Variants in MEGF6 observed in about 807,000 individuals in gnomAD.
MEGF6 encodes multiple epidermal growth factor-like domains protein 6.
MEGF6 carries 184 observed loss-of-function variants against 207.1 expected under a neutral mutation model. The ratio of observed to expected loss-of-function variants is 0.89; its 90% CI spans 0.79 to 1.00. MEGF6 has a LOEUF of 1.00. Among genes scored for constraint, MEGF6 ranks in the 50% least tolerant of loss-of-function variants. MEGF6 has a pLI of 0.00. For missense variants in MEGF6, 2,282 were observed against 2,202.9 expected (o/e 1.04, Z -0.72); for synonymous variants, 1,038 against 910.0 (o/e 1.14, Z -2.53).
intron 3 of MEGF6, among the ~76,000 whole-genome samples, chr1:3,584,187 A>G (rs909792957): frequency 1.3e-5 from 2 of 152,256 alleles, no homozygotes; most frequent in Non-Finnish European, 2.9e-5. Context: ...CCATGTCTGT[A>G]GCCTCTTTAA....
chr1:3,511,897 C>T, intron 8 of MEGF6, 109 bp downstream of exon 8: 1 of 1,541,296 alleles, frequency 6.5e-7, no homozygotes, highest in South Asian at 1.2e-5. Flanking sequence ...CCAGGGCTGC[C>T]CCTGATTGAC....
At chr1:3,539,147 C>T (rs1642423446) in intron 4 of MEGF6, among the ~76,000 whole-genome samples, 1 of 152,112 alleles carries the variant, frequency 6.6e-6, no homozygotes, top group African/African-American at 2.4e-5. Context: ...ATCAAGGGTG[C>T]CCTGGGGAAG....
chr1:3,542,007 CG>C (rs1415441530), intron 4 of MEGF6, among the ~76,000 whole-genome samples: 1 of 152,224 alleles, frequency 6.6e-6, no homozygotes, highest in Non-Finnish European at 1.5e-5. Flanking sequence ...GAGCCGGGTC[CG>C]GCACCGAGAA....
At chr1:3,523,676 G>A (rs188339752) in intron 5 of MEGF6, among the ~76,000 whole-genome samples, 57 of 152,280 alleles carry the variant, frequency 3.7e-4, no homozygotes, top group African/African-American at 1.3e-3. Context: ...AGGCCTCCTC[G>A]GCCAGCGTCC....
At position 3,497,277 on chromosome 1, in the gene MEGF6, GC is replaced by G; in HGVS notation, c.3436del (p.Ala1146ProfsTer128). The G allele has an allele frequency of 6.5e-7, 1 of 1,549,452 alleles. No homozygotes were observed. The highest frequency in any genetic ancestry group is 8.7e-7 in the Non-Finnish European group (1 of 1,150,066). ...AGTGAAGCCAGGGGGACAGCGGCAG[GC>G]CCCAGTGACGTGGTGGCAGGCAGCG... ...PGAACHHVTG[A>X]CRCPPGFTGS... On this transcript the variant is annotated frameshift_variant, in exon 27 of 37. Transcript: ENST00000356575. LOFTEE classifies it high-confidence loss of function.
At chr1:3,520,052 T>C (rs1192869208) in intron 5 of MEGF6, among the ~76,000 whole-genome samples, 2 of 152,224 alleles carry the variant, frequency 1.3e-5, no homozygotes, top group African/African-American at 4.8e-5. Flanking sequence ...CTGATGGGCA[T>C]GGGCCGAGAA....
rs1263086877 is a variant in MEGF6, at chr1:3,567,712, G to A, written c.481+12113C>T. 2.6e-5 allele frequency among the ~76,000 whole-genome samples: 4 copies of A among 152,230 alleles called. No individual in the cohort carries two copies. In the South Asian group the frequency reaches 6.2e-4, roughly 24 times the overall value. On this transcript the variant is annotated intron_variant, in intron 4 of 36. Transcript: ENST00000356575. Reference sequence around the variant, plus strand: ...CCAGAGCGTCACCCTGCAGGCCGGGGTTGTCCAGCCAGGGGCAGGGGGGCC... The same window carrying A: ...CCAGAGCGTCACCCTGCAGGCCGGGATTGTCCAGCCAGGGGCAGGGGGGCC...
At chr1:3,491,466 T>G (rs1640361695) in intron 35 of MEGF6, among the ~76,000 whole-genome samples, 1 of 151,186 alleles carries the variant, frequency 6.6e-6, no homozygotes, top group South Asian at 2.1e-4. Context: ...CCTCCTCTCC[T>G]CGCCCCGCCC....
At chr1:3,583,191 A>G (rs1643841021) in intron 3 of MEGF6, among the ~76,000 whole-genome samples, 1 of 152,178 alleles carries the variant, frequency 6.6e-6, no homozygotes, top group Non-Finnish European at 1.5e-5. Context: ...GCTGCGCTCC[A>G]AACCGAGAGC....
Position 3,540,085 on chromosome 1 carries a change from C to CA in MEGF6, c.482-15840dup, listed in dbSNP as rs34639276. On this transcript the variant is annotated intron_variant, in intron 4 of 36. Transcript: ENST00000356575. The stretch of plus-strand genomic sequence containing the variant: ...AGGCTGCCCAGCTCGGGGTGTCCTC[C>CA]AGGAAACTGCCCCAGCGTCCTGGTT... Among the ~76,000 whole-genome samples the CA allele has an allele frequency of 8.9e-3, 1,361 of 152,338 alleles. 22 individuals are homozygous for CA. The highest frequency in any genetic ancestry group is 0.032 in the African/African-American group (1,310 of 41,572).
intron 2 of MEGF6, among the ~76,000 whole-genome samples, chr1:3,600,603 A>G (rs1644141761): frequency 6.6e-6 from 1 of 152,176 alleles, no homozygotes; most frequent in Non-Finnish European, 1.5e-5. Flanking sequence ...GTGGAGTGAT[A>G]TCTGGACCTG....
At chr1:3,500,067 C>T in intron 21 of MEGF6, 143 bp from the exon 22 acceptor site, 1 of 1,263,954 alleles carries the variant, frequency 7.9e-7, no homozygotes, top group Non-Finnish European at 1.1e-6. Context: ...AGACTGGGCT[C>T]ACTCACATGC....
At chr1:3,600,792 C>T (rs1644144259) in intron 2 of MEGF6, among the ~76,000 whole-genome samples, 1 of 152,130 alleles carries the variant, frequency 6.6e-6, no homozygotes, top group African/African-American at 2.4e-5. Flanking sequence ...GGGCTGGTTC[C>T]AGTAGAGCAC....
chr1:3,619,229 A>T, the MEGF6 span, among the ~76,000 whole-genome samples: 1 of 152,190 alleles, frequency 6.6e-6, no homozygotes, highest in Non-Finnish European at 1.5e-5. Context: ...TCAAAGCCCC[A>T]AGAAATACAC....
intron 23 of MEGF6, 142 bp downstream of exon 23, chr1:3,499,446 G>A (rs1274191552): frequency 6.4e-6 from 9 of 1,417,254 alleles, no homozygotes; most frequent in South Asian, 1.4e-5. Flanking sequence ...CCAACGCTCT[G>A]GCCCGAGTGA....
intron 34 of MEGF6, chr1:3,493,569 G>T (rs1278108026): frequency 2.4e-5 from 17 of 700,280 alleles, no homozygotes; most frequent in South Asian, 1.8e-4. Flanking sequence ...CTGGCCTAAG[G>T]CTCCAGCAGG....
chr1:3,491,052 G>T, intron 35 of MEGF6, 93 bp from the exon 36 acceptor site: 1 of 1,241,482 alleles, frequency 8.1e-7, no homozygotes. Flanking sequence ...CAGGCCTTCA[G>T]GGACCTCCAC....
chr1:3,526,436 C>T lies in MEGF6; in HGVS notation c.482-2190G>A, dbSNP rs532809853. On this transcript the variant is annotated intron_variant, in intron 4 of 36. Transcript: ENST00000356575. ...TTTTTTTGAGACAGTCTCGCTCTGT[C>T]GCCCAGGCTGGAGTGCAATGGTGCA... Among the ~76,000 whole-genome samples the T allele has an allele frequency of 1.5e-4, 22 of 145,556 alleles. No homozygotes were observed. The East Asian group carries it at 3.8e-3, about 25-fold the overall frequency.
chr1:3,613,560 G>A (rs1396056244), upstream of MEGF6, among the ~76,000 whole-genome samples: 2 of 152,192 alleles, frequency 1.3e-5, no homozygotes, highest in Non-Finnish European at 2.9e-5. Context: ...GGGTGGAGGA[G>A]GATGACTCAC....
Sources: allele counts gnomAD v4.1 joint callset (sites outside exome capture counted in the v4.1 genomes callset), GRCh38; gene constraint gnomAD v4.1.1; transcripts MANE v1.5; gene names NCBI Gene and HGNC (gene_info 2026-07-23, HGNC 2026-07-21).